Variants in EPHA4 observed in about 807,000 individuals in gnomAD.
EPHA4 encodes EPH receptor A4.
Under a neutral mutation model 108.3 loss-of-function variants are expected in EPHA4, and 19 were observed. The observed-to-expected ratio is 0.18, with a 90% CI of 0.12 to 0.26. The LOEUF (loss-of-function observed/expected upper bound fraction) is 0.26. Among genes scored for constraint, EPHA4 ranks in the 10% least tolerant of loss-of-function variants. EPHA4 has a pLI of 1.00. For missense variants in EPHA4, 917 were observed against 1,254.0 expected (o/e 0.73, Z 4.06); for synonymous variants, 449 against 455.5 (o/e 0.99, Z 0.18).
chr2:221,508,198 G>C (rs1358968950), intron 3 of EPHA4, among the ~76,000 whole-genome samples: 1 of 152,118 alleles, frequency 6.6e-6, no homozygotes, highest in Non-Finnish European at 1.5e-5. Flanking sequence ...TCTAATACCC[G>C]GATGCTAAAG....
At chr2:221,493,365 A>G (rs1381207261) in intron 4 of EPHA4, among the ~76,000 whole-genome samples, 1 of 152,150 alleles carries the variant, frequency 6.6e-6, no homozygotes, top group Non-Finnish European at 1.5e-5. Context: ...TTTGGGGTAG[A>G]GAATTGAACA....
At chr2:221,515,001 A>G (rs558530137) in intron 3 of EPHA4, among the ~76,000 whole-genome samples, 1 of 152,306 alleles carries the variant, frequency 6.6e-6, no homozygotes, top group East Asian at 1.9e-4. Flanking sequence ...TACTCATCCC[A>G]AGCAGATCTC....
chr2:221,508,304 C>T lies in EPHA4; in HGVS notation c.824-7132G>A, dbSNP rs138243444. Among the ~76,000 whole-genome samples, 330 of 152,120 alleles carry T rather than the reference C, an allele frequency of 2.2e-3. 2 individuals carry two copies. The highest frequency in any genetic ancestry group is 6.8e-3 in the Middle Eastern group (2 of 292). On this transcript the variant is annotated intron_variant, in intron 3 of 17. Transcript: ENST00000281821. The stretch of plus-strand genomic sequence containing the variant: ...GAAATCTGACATGTTTGAGGCCGGG[C>T]GTGGTGGCTCACGCCTGTAATCCCA...
chr2:221,499,330 C>G (rs1692400996), intron 4 of EPHA4, among the ~76,000 whole-genome samples: 1 of 150,736 alleles, frequency 6.6e-6, no homozygotes, highest in African/African-American at 2.4e-5. Flanking sequence ...TGAGCATGTT[C>G]CTTAACATCT....
chr2:221,452,395 C>A (rs3755036), intron 8 of EPHA4, among the ~76,000 whole-genome samples: 1 of 152,220 alleles, frequency 6.6e-6, no homozygotes, highest in Non-Finnish European at 1.5e-5. Flanking sequence ...TGTCCTCTCA[C>A]GAAAAGCCTG....
At chr2:221,451,818 T>A in intron 8 of EPHA4, among the ~76,000 whole-genome samples, 1 of 152,212 alleles carries the variant, frequency 6.6e-6, no homozygotes, top group East Asian at 1.9e-4. Context: ...TTAGGTATTT[T>A]ATAAATTTAG....
rs555355481 is a variant in EPHA4, at chr2:221,456,784, C to A, written c.1444-12G>T. ...CGCTCATTCTGATCCTACATCATGG[C>A]AAGATAAAATTGGGGAAGGTGGCAA... is the stretch of plus-strand genomic sequence containing the variant. On this transcript the variant is annotated splice_polypyrimidine_tract_variant and intron_variant, in intron 6 of 17. Coordinates refer to ENST00000281821, the MANE Select transcript of EPHA4 (RefSeq NM_004438.5). The A allele has an allele frequency of 1.2e-6, 2 of 1,611,306 alleles. No individual in the cohort carries two copies. The highest frequency in any genetic ancestry group is 1.7e-6 in the Non-Finnish European group (2 of 1,177,922).
chr2:221,460,071 A>G lies in EPHA4; in HGVS notation c.1319-2081T>C, dbSNP rs562567394. On this transcript the variant is annotated intron_variant, in intron 5 of 17. Transcript: ENST00000281821. The stretch of plus-strand genomic sequence containing the variant: ...AGTAGCTGTGTTCCTGTGACCATTT[A>G]AAGGGAATATGAACTCAACTAAGGT... 2.6e-5 allele frequency among the ~76,000 whole-genome samples: 4 copies of G among 152,242 alleles called. No individual in the cohort carries two copies. In the South Asian group the frequency reaches 6.2e-4, roughly 24 times the overall value.
chr2:221,443,616 A>T lies in EPHA4; in HGVS notation c.1775-10T>A, dbSNP rs944538078. The T allele has an allele frequency of 6.3e-7, 1 of 1,597,182 alleles. No homozygotes were observed. The highest frequency in any genetic ancestry group is 1.3e-5 in the African/African-American group (1 of 74,548). ...ACATATGTTCTTACACCTGAGTGATAAACATGATAAGTTGGCTGAATACTT... is the reference window on the plus strand; with the variant it reads ...ACATATGTTCTTACACCTGAGTGATTAACATGATAAGTTGGCTGAATACTT... On this transcript the variant is annotated splice_polypyrimidine_tract_variant and intron_variant, in intron 9 of 17. Transcript: ENST00000281821.
At chr2:221,508,908 T>C (rs1248999162) in intron 3 of EPHA4, among the ~76,000 whole-genome samples, 1 of 151,616 alleles carries the variant, frequency 6.6e-6, no homozygotes, top group Non-Finnish European at 1.5e-5. Flanking sequence ...TTTGATACTG[T>C]TTCACAAGTA....
At chr2:221,570,339 G>A (rs1166206529) in intron 1 of EPHA4, among the ~76,000 whole-genome samples, 2 of 151,402 alleles carry the variant, frequency 1.3e-5, no homozygotes, top group Non-Finnish European at 2.9e-5. Flanking sequence ...AAAAAGAGGG[G>A]GTTTAAAAAA....
intron 3 of EPHA4, among the ~76,000 whole-genome samples, chr2:221,540,954 A>T (rs868141825): frequency 0.02 from 1,605 of 81,936 alleles, 21 homozygotes; most frequent in African/African-American, 0.062. Context: ...TTTTTTTTTG[A>T]GGGTATGGCG....
At chr2:221,532,154 ACT>A (rs1170640928) in intron 3 of EPHA4, among the ~76,000 whole-genome samples, 11 of 150,548 alleles carry the variant, frequency 7.3e-5, no homozygotes, top group African/African-American at 2.4e-4. Context: ...ACAGGGTCTC[ACT>A]CTGTCGCCCA....
chr2:221,516,045 A>G (rs1692979498), intron 3 of EPHA4, among the ~76,000 whole-genome samples: 1 of 151,898 alleles, frequency 6.6e-6, no homozygotes, highest in Admixed American at 6.6e-5. Flanking sequence ...ATTTTGGCAG[A>G]TGGATGATCA....
At chr2:221,489,637 A>G (rs1159592278) in intron 4 of EPHA4, among the ~76,000 whole-genome samples, 1 of 152,150 alleles carries the variant, frequency 6.6e-6, no homozygotes, top group East Asian at 1.9e-4. Flanking sequence ...AGAACCTTCA[A>G]TTATCTTATT....
intron 3 of EPHA4, among the ~76,000 whole-genome samples, chr2:221,559,308 T>C (rs1694389648): frequency 6.6e-6 from 1 of 152,214 alleles, no homozygotes; most frequent in Non-Finnish European, 1.5e-5. Context: ...ATTGGTATTA[T>C]TTTTTATATG....
chr2:221,528,029 G>A (rs1309359539), intron 3 of EPHA4, among the ~76,000 whole-genome samples: 6 of 60,314 alleles, frequency 9.9e-5, no homozygotes, highest in African/African-American at 3.5e-4. Context: ...CCCCAACCCC[G>A]CCGTTTCCCC....
chr2:221,563,004 T>C (rs540770590), intron 3 of EPHA4, among the ~76,000 whole-genome samples: 63 of 152,282 alleles, frequency 4.1e-4, no homozygotes, highest in African/African-American at 1.5e-3. Flanking sequence ...ATAACTGAAA[T>C]CAATACCAAA....
At chr2:221,570,264 CA>C (rs1340684246) in intron 1 of EPHA4, among the ~76,000 whole-genome samples, 1 of 151,740 alleles carries the variant, frequency 6.6e-6, no homozygotes, top group African/African-American at 2.4e-5. Context: ...TCCCCTTCAA[CA>C]TTAGCCTAGG....
Sources: allele counts gnomAD v4.1 joint callset (sites outside exome capture counted in the v4.1 genomes callset), GRCh38; gene constraint gnomAD v4.1.1; transcripts MANE v1.5; gene names NCBI Gene and HGNC (gene_info 2026-07-23, HGNC 2026-07-21).